Variants in WNT7B observed in about 807,000 individuals in gnomAD.
WNT7B encodes protein Wnt-7b.
WNT7B carries 19 observed loss-of-function variants against 38.2 expected under a neutral mutation model. The observed-to-expected ratio is 0.50, with a 90% CI of 0.35 to 0.73. The LOEUF is 0.73. WNT7B is among the 30% of genes least tolerant of loss of function. The pLI is 0.01. For synonymous variants in WNT7B, 243 were observed against 209.3 expected (o/e 1.16, Z -1.39); for missense variants, 423 against 507.9 (o/e 0.83, Z 1.61).
At chr22:45,958,728 C>G (rs1267660312) in intron 1 of WNT7B, among the ~76,000 whole-genome samples, 1 of 152,172 alleles carries the variant, frequency 6.6e-6, no homozygotes, top group Non-Finnish European at 1.5e-5. Context: ...TGGCCAGTGC[C>G]CTGTCATCAA....
intron 2 of WNT7B, among the ~76,000 whole-genome samples, chr22:45,933,479 T>TG (rs1421513289): frequency 6.6e-6 from 1 of 151,712 alleles, no homozygotes; most frequent in Non-Finnish European, 1.5e-5. Context: ...AGGTGTGAAG[T>TG]GGGGTATTAA....
At chr22:45,945,044 T>C (rs1248312253) in intron 2 of WNT7B, among the ~76,000 whole-genome samples, 1 of 152,244 alleles carries the variant, frequency 6.6e-6, no homozygotes, top group Non-Finnish European at 1.5e-5. Context: ...TGAAATTTTC[T>C]AGTAGCCACA....
chr22:45,972,246 G>A (rs182360930), intron 1 of WNT7B: 12 of 641,082 alleles, frequency 1.9e-5, no homozygotes, highest in South Asian at 3.3e-5. Context: ...ATGGTGGGCC[G>A]GCGTGCCTGG....
intron 1 of WNT7B, among the ~76,000 whole-genome samples, chr22:45,957,710 A>C (rs1312544929): frequency 1.3e-5 from 2 of 151,154 alleles, no homozygotes; most frequent in African/African-American, 4.9e-5. Context: ...AAAAAAAAAA[A>C]AACAGAAAAC....
chr22:45,932,915 T>C (rs1431479731), intron 2 of WNT7B, among the ~76,000 whole-genome samples: 1 of 152,224 alleles, frequency 6.6e-6, no homozygotes, highest in South Asian at 2.1e-4. Context: ...TGCCTGTTAT[T>C]GGGGCTGAGG....
At chr22:45,953,044 T>A (rs531844046) in intron 1 of WNT7B, among the ~76,000 whole-genome samples, 42 of 152,240 alleles carry the variant, frequency 2.8e-4, no homozygotes, top group Admixed American at 6.5e-4. Flanking sequence ...CTCAAGCTCC[T>A]GATTCCCTGG....
intron 1 of WNT7B, among the ~76,000 whole-genome samples, chr22:45,953,535 A>G (rs2146736270): frequency 6.6e-6 from 1 of 152,310 alleles, no homozygotes; most frequent in African/African-American, 2.4e-5. Flanking sequence ...AAGAACTACA[A>G]CTCAACAACA....
rs368587752 is a variant in WNT7B, at chr22:45,976,652, C to G, written c.71+32G>C. The G allele has an allele frequency of 3.8e-6, 6 of 1,598,102 alleles. No individual in the cohort carries two copies. Among genetic ancestry groups the G allele is most frequent in the Non-Finnish European group, 5.1e-6 (6 of 1,171,678 alleles). On this transcript the variant is annotated intron_variant, in intron 1 of 3. Coordinates refer to ENST00000339464, the MANE Select transcript of WNT7B (RefSeq NM_058238.3). This position sits in a 1 kb window ranked among gnomAD's most constrained non-coding sequence, Gnocchi z 8.5. ...CAGCTCCTTCGTGCTGTCTTGGCCC[C>G]TGGCTGCTGCCCTCGCCCACGGGGT...
chr22:45,960,736 GAAGT>G (rs893357277), intron 1 of WNT7B, among the ~76,000 whole-genome samples: 1 of 152,230 alleles, frequency 6.6e-6, no homozygotes, highest in Non-Finnish European at 1.5e-5. Flanking sequence ...ACCCATCCAG[GAAGT>G]AAGTCAGCAG....
rs1931117628 is a variant in WNT7B at position 45,927,350 on chromosome 22, AGTGGGGGCAGG to A, written c.570+3737_570+3747del. 5 of 1,472,850 alleles carry A rather than the reference AGTGGGGGCAGG, an allele frequency of 3.4e-6. No individual in the cohort carries two copies. In the East Asian group the frequency reaches 1.3e-4, roughly 37 times the overall value. The allele number at this position is 1,472,850 out of a possible 1,614,324, so 91.2% of individuals were successfully genotyped here. A position where few individuals can be genotyped will look rare whatever the true frequency, so the allele number is the denominator to read the frequency against. On this transcript the variant is annotated intron_variant, in intron 3 of 3. Coordinates refer to ENST00000339464, the MANE Select transcript of WNT7B (RefSeq NM_058238.3). ...GCAGCCAGGGCCTTGGTCTGGTAGA[AGTGGGGGCAGG>A]GCGGGGGCGGGCCTCCAGACTCTGC...
intron 2 of WNT7B, among the ~76,000 whole-genome samples, chr22:45,933,472 T>A (rs918530404): frequency 1.3e-5 from 2 of 151,752 alleles, no homozygotes; most frequent in African/African-American, 4.8e-5. Context: ...ATGCATGAGG[T>A]GTGAAGTGGG....
Position 45,975,018 on chromosome 22 carries a change from A to G in WNT7B, c.71+1666T>C, listed in dbSNP as rs1932523065. 6.6e-6 allele frequency among the ~76,000 whole-genome samples: 1 copy of G among 152,068 alleles called. No homozygotes were observed. Among genetic ancestry groups the G allele is most frequent in the South Asian group, 2.1e-4 (1 of 4,826 alleles). On this transcript the variant is annotated intron_variant, in intron 1 of 3. Coordinates refer to ENST00000339464, the MANE Select transcript of WNT7B (RefSeq NM_058238.3). The surrounding 1 kb of genome is among the most constrained non-coding windows in gnomAD (Gnocchi z 6.6). ...TGGGAGGAAGGGCTGCTTTCCGATG[A>G]CTGAGGCAGAAGAATGGACGCTAGG...
chr22:45,934,535 GAAC>G (rs933709635), intron 2 of WNT7B, among the ~76,000 whole-genome samples: 10 of 152,160 alleles, frequency 6.6e-5, no homozygotes, highest in African/African-American at 2.4e-4. Flanking sequence ...AGAGGTCCTG[GAAC>G]AACAGCCTGT....
At chr22:45,955,505 G>A (rs74938925) in intron 1 of WNT7B, among the ~76,000 whole-genome samples, 3,237 of 152,322 alleles carry the variant, frequency 0.021, 38 homozygotes, top group African/African-American at 0.035. Context: ...AAACTCTCAG[G>A]GATGGCTTCC....
chr22:45,931,332 C>G lies in WNT7B; in HGVS notation c.336G>C (p.Ala112=). 1 of 1,596,018 alleles carries G rather than the reference C, an allele frequency of 6.3e-7. No individual in the cohort carries two copies. The highest frequency in any genetic ancestry group is 8.5e-7 in the Non-Finnish European group (1 of 1,178,234). The change falls in exon 3 of 4, where the codon GCG becomes GCC. Residue 112 remains alanine (A), a synonymous_variant. Coordinates refer to ENST00000339464, the MANE Select transcript of WNT7B (RefSeq NM_058238.3). ...REAAFTYAIT[A]AGVAHAVTAA... is the part of the protein sequence containing the mutation. ...CGGTGACGGCGTGCGCCACGCCAGC[C>G]GCGGTGATGGCGTACGTGAAGGCAG...
chr22:45,951,425 A>C lies in WNT7B; in HGVS notation c.72-1279T>G, dbSNP rs1330203030. Among the ~76,000 whole-genome samples, 1 of 152,028 alleles carries C rather than the reference A, an allele frequency of 6.6e-6. No homozygotes were observed. Among genetic ancestry groups the C allele is most frequent in the Non-Finnish European group, 1.5e-5 (1 of 68,030 alleles). On this transcript the variant is annotated intron_variant, in intron 1 of 3. Coordinates refer to ENST00000339464, the MANE Select transcript of WNT7B (RefSeq NM_058238.3). This position sits in a 1 kb window ranked among gnomAD's most constrained non-coding sequence, Gnocchi z 4.8. Reference sequence around the variant, plus strand: ...AAATTCCCATAACATAAAATGAACCATTTTGAAGTGTACAGTTCTGTGGCA... The same window carrying C: ...AAATTCCCATAACATAAAATGAACCCTTTTGAAGTGTACAGTTCTGTGGCA...
At chr22:45,954,718 C>G in intron 1 of WNT7B, 1 of 985,402 alleles carries the variant, frequency 1.0e-6, no homozygotes, top group African/African-American at 1.7e-5. Flanking sequence ...GTTGATAATT[C>G]AGAAACAATT....
intron 1 of WNT7B, among the ~76,000 whole-genome samples, chr22:45,958,337 C>T (rs1415983757): frequency 6.6e-6 from 1 of 152,176 alleles, no homozygotes; most frequent in Non-Finnish European, 1.5e-5. Flanking sequence ...GCCCAGGTGG[C>T]AGGGAGTGGG....
chr22:45,970,123 C>T (rs896165210), intron 1 of WNT7B, among the ~76,000 whole-genome samples: 6 of 152,354 alleles, frequency 3.9e-5, no homozygotes, highest in Admixed American at 1.3e-4. Context: ...AGACCCACCC[C>T]CCTCACTCCG....
Sources: allele counts gnomAD v4.1 joint callset (sites outside exome capture counted in the v4.1 genomes callset), GRCh38; gene constraint gnomAD v4.1.1; non-coding constraint Gnocchi (gnomAD v3.1); transcripts MANE v1.5; gene names NCBI Gene and HGNC (gene_info 2026-07-23, HGNC 2026-07-21).